CSMD1: variants seen among roughly 807,000 people sequenced by gnomAD.
The protein encoded by CSMD1 is CUB and Sushi multiple domains 1.
A neutral mutation model predicts 417.5 loss-of-function variants in CSMD1; 213 were observed. The observed-to-expected ratio is 0.51, with a 90% CI of 0.46 to 0.57. The LOEUF (loss-of-function observed/expected upper bound fraction) is 0.57, where lower values mean the gene tolerates loss of function less well. Among genes scored for constraint, CSMD1 ranks in the 20% least tolerant of loss-of-function variants. The pLI is 0.00. For synonymous variants in CSMD1, 2,862 were observed against 1,736.8 expected, an observed-to-expected ratio of 1.65 and a Z score of -16.11; for missense variants, 6,923 against 4,529.7, an observed-to-expected ratio of 1.53 and a Z score of -15.17.
intron 4 of CSMD1, among the ~76,000 whole-genome samples, chr8:4,000,897 A>C (rs1212096187): frequency 6.6e-6 from 1 of 152,152 alleles, no homozygotes; most frequent in Non-Finnish European, 1.5e-5. Context: ...GTGGAATTAA[A>C]AGAAAATTAT....
intron 33 of CSMD1, among the ~76,000 whole-genome samples, chr8:3,198,882 A>G (rs1186037467): frequency 6.6e-6 from 1 of 151,496 alleles, no homozygotes; most frequent in Non-Finnish European, 1.5e-5. Context: ...GGCCATTAGT[A>G]TCTGTAGCCT....
At chr8:4,438,345 T>C (rs1002937194) in intron 2 of CSMD1, among the ~76,000 whole-genome samples, 1 of 152,192 alleles carries the variant, frequency 6.6e-6, no homozygotes, top group Non-Finnish European at 1.5e-5. Flanking sequence ...CTCTGAACTC[T>C]GTCCTGCATC....
At chr8:4,150,535 A>T (rs1796516476) in intron 3 of CSMD1, among the ~76,000 whole-genome samples, 1 of 152,192 alleles carries the variant, frequency 6.6e-6, no homozygotes, top group African/African-American at 2.4e-5. Context: ...TGTTCTTCCA[A>T]GTGTAATGAA....
At chr8:4,064,411 G>A (rs931696151) in intron 3 of CSMD1, among the ~76,000 whole-genome samples, 1 of 152,186 alleles carries the variant, frequency 6.6e-6, no homozygotes, top group African/African-American at 2.4e-5. Context: ...AGAAGGTAGA[G>A]AATAAGTAAG....
In CSMD1 at chr8:3,980,003, T is replaced by C. The variant is rs543765358; in HGVS notation, c.818+17900A>G. Among the ~76,000 whole-genome samples the C allele has an allele frequency of 1.8e-4, 28 of 152,362 alleles. No individual in the cohort carries two copies. In the South Asian group the frequency reaches 2.9e-3, roughly 16 times the overall value. ...AGAACTGGGTTGAACAACTCACAGA[T>C]ACTTCAAACTGTGTATTCACATGGC... On this transcript the variant is annotated intron_variant, in intron 5 of 69. Transcript: ENST00000635120.
intron 2 of CSMD1, among the ~76,000 whole-genome samples, chr8:4,479,965 CA>C (rs34081481): frequency 0.024 from 2,610 of 107,766 alleles, 50 homozygotes; most frequent in African/African-American, 0.074. Flanking sequence ...GTCTCTGTCT[CA>C]AAAAAAAAAA....
chr8:4,471,882 C>T (rs1000465391), intron 2 of CSMD1, among the ~76,000 whole-genome samples: 2 of 152,046 alleles, frequency 1.3e-5, no homozygotes, highest in Non-Finnish European at 2.9e-5. Flanking sequence ...ATGGTGTTTC[C>T]AGTGGGTAGG....
intron 1 of CSMD1, among the ~76,000 whole-genome samples, chr8:4,947,953 G>A (rs185698276): frequency 5.7e-4 from 86 of 151,868 alleles, no homozygotes; most frequent in Non-Finnish European, 1.1e-3. Context: ...TATTCCTATT[G>A]TTTTCTTTTT....
intron 1 of CSMD1, among the ~76,000 whole-genome samples, chr8:4,677,553 G>C (rs1019802338): frequency 1.3e-5 from 2 of 152,120 alleles, no homozygotes; most frequent in African/African-American, 4.8e-5. Flanking sequence ...ACTACATCAA[G>C]AATACTCACT....
At chr8:3,233,201 T>C (rs908179616) in intron 26 of CSMD1, among the ~76,000 whole-genome samples, 1 of 152,174 alleles carries the variant, frequency 6.6e-6, no homozygotes, top group Non-Finnish European at 1.5e-5. Context: ...AATATGGTCA[T>C]ATTGGGAGGT....
At position 3,406,013 on chromosome 8, in the gene CSMD1, G is replaced by C. The variant is rs749669758; in HGVS notation, c.2266+14C>G. On this transcript the variant is annotated intron_variant, in intron 15 of 69. Transcript: ENST00000635120. The stretch of plus-strand genomic sequence containing the variant: ...ATTTCAAAGGAGAAGAGCGGGGGGT[G>C]GCAGGGACTGCACCTTCACAGCGGG... 3 of 1,610,886 alleles carry C rather than the reference G, an allele frequency of 1.9e-6. No homozygotes were observed. The East Asian group carries it at 6.7e-5, about 36-fold the overall frequency.
chr8:3,404,128 G>C (rs1363923464), intron 15 of CSMD1, among the ~76,000 whole-genome samples: 1 of 152,106 alleles, frequency 6.6e-6, no homozygotes, highest in South Asian at 2.1e-4. Context: ...GAGGTCAGGA[G>C]TTTGAGACCA....
At chr8:4,904,232 G>A (rs755939427) in intron 1 of CSMD1, among the ~76,000 whole-genome samples, 1 of 152,136 alleles carries the variant, frequency 6.6e-6, no homozygotes, top group Non-Finnish European at 1.5e-5. Flanking sequence ...AGGCATCATA[G>A]AAAGCTCCAA....
chr8:3,678,096 C>A (rs897211240), intron 7 of CSMD1, among the ~76,000 whole-genome samples: 1 of 152,036 alleles, frequency 6.6e-6, no homozygotes, highest in Non-Finnish European at 1.5e-5. Context: ...GTCTACAGCT[C>A]CCAGAGTGAG....
intron 5 of CSMD1, among the ~76,000 whole-genome samples, chr8:3,981,175 A>C (rs1268007947): frequency 2.6e-5 from 4 of 152,248 alleles, no homozygotes; most frequent in Non-Finnish European, 4.4e-5. Context: ...AGAGACTCCA[A>C]GAATGGGTAT....
At chr8:4,388,604 A>G (rs1469792974) in intron 3 of CSMD1, among the ~76,000 whole-genome samples, 2 of 152,096 alleles carry the variant, frequency 1.3e-5, no homozygotes, top group African/African-American at 4.8e-5. Flanking sequence ...TACAGTGTAT[A>G]CTGCTCAGGT....
At chr8:3,507,642 C>T (rs1053087263) in intron 10 of CSMD1, among the ~76,000 whole-genome samples, 1 of 152,142 alleles carries the variant, frequency 6.6e-6, no homozygotes, top group Non-Finnish European at 1.5e-5. Context: ...GTGTTCCTAT[C>T]TCTCCACATC....
At chr8:4,233,454 G>A (rs1801863753) in intron 3 of CSMD1, among the ~76,000 whole-genome samples, 1 of 152,202 alleles carries the variant, frequency 6.6e-6, no homozygotes, top group Non-Finnish European at 1.5e-5. Context: ...TTGGAGATGG[G>A]ACCTTTGGAA....
Position 3,932,323 on chromosome 8 carries a change from T to C in CSMD1, c.818+65580A>G. On this transcript the variant is annotated intron_variant, in intron 5 of 69. Transcript: ENST00000635120. ...TCAGTTAAACATGTGCTCATGGTCT[T>C]TAAACTTTCCCCATTTATTCTGCGA... is the stretch of plus-strand genomic sequence containing the variant. Among the ~76,000 whole-genome samples the C allele has an allele frequency of 1.3e-5, 2 of 150,626 alleles. 1 individual carries two copies. The highest frequency in any genetic ancestry group is 3.0e-5 in the Non-Finnish European group (2 of 67,584).
Sources: gnomAD v4.1 joint callset for allele counts (sites outside exome capture counted in the v4.1 genomes callset) on GRCh38, gnomAD v4.1.1 for gene constraint, MANE v1.5 for transcripts, NCBI Gene and HGNC (gene_info 2026-07-23, HGNC 2026-07-21) for gene names.